The following CCBE1 variants were observed in gnomAD, a reference collection of about 807,000 sequenced individuals.
CCBE1 encodes the protein collagen and calcium binding EGF domains 1.
A neutral mutation model predicts 50.0 loss-of-function variants in CCBE1; 37 were observed. The ratio of observed to expected loss-of-function variants is 0.74; its 90% CI spans 0.57 to 0.97. CCBE1 has a LOEUF of 0.97. CCBE1 is among the 50% of genes least tolerant of loss of function. CCBE1 has a pLI of 0.00. For missense variants in CCBE1, 538 were observed against 523.8 expected, an observed-to-expected ratio of 1.03 and a Z score of -0.26; for synonymous variants, 234 against 203.7, an observed-to-expected ratio of 1.15 and a Z score of -1.27.
chr18:59,475,962 G>A lies in CCBE1; in HGVS notation c.265+4224C>T, dbSNP rs1000017720. On this transcript the variant is annotated intron_variant, in intron 3 of 10. Transcript: ENST00000439986. ...TTGAACTCCTGACCTCAGGTGATCC[G>A]CCCGCCTTGGCCTCCCAAGTGTTGG... Among the ~76,000 whole-genome samples the A allele has an allele frequency of 2.0e-5, 3 of 152,144 alleles. 1 individual carries two copies. In the South Asian group the frequency reaches 6.2e-4, roughly 32 times the overall value.
At chr18:59,678,480 A>G (rs1307146067) in intron 2 of CCBE1, among the ~76,000 whole-genome samples, 1 of 152,246 alleles carries the variant, frequency 6.6e-6, no homozygotes, top group Non-Finnish European at 1.5e-5. Context: ...AAGAACAGAC[A>G]GACTATGACT....
At chr18:59,688,949 T>G (rs1450909688) in intron 2 of CCBE1, among the ~76,000 whole-genome samples, 1 of 152,212 alleles carries the variant, frequency 6.6e-6, no homozygotes, top group Admixed American at 6.5e-5. Context: ...ATCCTGGTGT[T>G]TGTATTAAAG....
chr18:59,436,107 A>G lies in CCBE1; in HGVS notation c.1022T>C (p.Met341Thr), dbSNP rs1337344564. ...GATGTCATTGCGGATGTCAGCCAGC[A>G]TAAGTAGCAGGAAGTCGAAAGAACC... The part of the protein sequence containing the change: ...PPGSFDFLLL[M>T]LADIRNDITE... The change falls in exon 11 of 11, where the codon ATG becomes ACG. Residue 341 changes from methionine (M) to threonine (T), a missense_variant. By Grantham distance (81) the Met-to-Thr change is moderately conservative. Coordinates refer to ENST00000439986, the MANE Select transcript of CCBE1 (RefSeq NM_133459.4). 7 of 1,614,130 alleles carry G rather than the reference A, an allele frequency of 4.3e-6. No homozygotes were observed. Among genetic ancestry groups the G allele is most frequent in the African/African-American group, 2.7e-5 (2 of 74,938 alleles).
At chr18:59,615,874 C>T (rs1207962972) in intron 2 of CCBE1, among the ~76,000 whole-genome samples, 4 of 152,170 alleles carry the variant, frequency 2.6e-5, no homozygotes, top group African/African-American at 9.7e-5. Context: ...TGAAAGTAAG[C>T]AAGCACTCAT....
chr18:59,537,254 T>C (rs2144369941), intron 2 of CCBE1, among the ~76,000 whole-genome samples: 1 of 152,270 alleles, frequency 6.6e-6, no homozygotes. Flanking sequence ...ATATTTACAG[T>C]CTCTGTAGAA....
At chr18:59,587,854 C>A (rs2053200380) in intron 2 of CCBE1, among the ~76,000 whole-genome samples, 1 of 152,120 alleles carries the variant, frequency 6.6e-6, no homozygotes, top group Non-Finnish European at 1.5e-5. Context: ...TACTTGAAAT[C>A]AATTGTACTT....
intron 10 of CCBE1, among the ~76,000 whole-genome samples, chr18:59,436,805 C>T (rs921625108): frequency 6.6e-6 from 1 of 152,076 alleles, no homozygotes; most frequent in South Asian, 2.1e-4. Context: ...CCTGTCTCTA[C>T]AAAAATTTAA....
chr18:59,546,682 C>A (rs1915696657), intron 2 of CCBE1, among the ~76,000 whole-genome samples: 3 of 152,180 alleles, frequency 2.0e-5, no homozygotes, highest in African/African-American at 7.2e-5. Flanking sequence ...ATCCAAATCC[C>A]TTCCCACATT....
chr18:59,476,508 C>A (rs192975585), intron 3 of CCBE1, among the ~76,000 whole-genome samples: 3 of 151,868 alleles, frequency 2.0e-5, no homozygotes, highest in Admixed American at 1.3e-4. Flanking sequence ...ATCTCTTTTG[C>A]AACTACTCAA....
chr18:59,462,496 C>T (rs1911534465), intron 5 of CCBE1: 1 of 152,056 alleles, frequency 6.6e-6, no homozygotes. Context: ...AGTGATCCTC[C>T]CACCTCAGCC....
At chr18:59,550,220 T>C (rs760384876) in intron 2 of CCBE1, among the ~76,000 whole-genome samples, 13 of 152,174 alleles carry the variant, frequency 8.5e-5, no homozygotes, top group Non-Finnish European at 1.6e-4. Context: ...AATTCAGGGA[T>C]TGGCAAACTA....
chr18:59,681,024 C>T (rs904729094), intron 2 of CCBE1, among the ~76,000 whole-genome samples: 1 of 150,572 alleles, frequency 6.6e-6, no homozygotes, highest in Non-Finnish European at 1.5e-5. Flanking sequence ...GAAGCCTCAT[C>T]CTTTTAGGAA....
chr18:59,587,648 C>T (rs985781381), intron 2 of CCBE1, among the ~76,000 whole-genome samples: 2 of 152,132 alleles, frequency 1.3e-5, no homozygotes, highest in Non-Finnish European at 2.9e-5. Flanking sequence ...AGATCTAGGA[C>T]GCATTTGTCT....
At chr18:59,622,693 T>G (rs2053728889) in intron 2 of CCBE1, among the ~76,000 whole-genome samples, 2 of 145,720 alleles carry the variant, frequency 1.4e-5, no homozygotes, top group African/African-American at 5.1e-5. Context: ...CCCAGCTACT[T>G]AGGAAGCTGA....
chr18:59,589,875 C>T (rs972001508), intron 2 of CCBE1, among the ~76,000 whole-genome samples: 3 of 150,196 alleles, frequency 2.0e-5, no homozygotes, highest in Non-Finnish European at 4.4e-5. Flanking sequence ...TGTATATTTG[C>T]TCAACAGTAG....
At chr18:59,447,954 C>G (rs749311354) in intron 7 of CCBE1, 29 bp downstream of exon 7, 1 of 1,613,758 alleles carries the variant, frequency 6.2e-7, no homozygotes, top group South Asian at 1.1e-5. Context: ...TGTTGGTGAT[C>G]ACCCTCCTGT....
intron 2 of CCBE1, among the ~76,000 whole-genome samples, chr18:59,649,372 G>T (rs1207155573): frequency 2.6e-5 from 4 of 152,208 alleles, no homozygotes; most frequent in African/African-American, 9.7e-5. Context: ...TTGATGCGGT[G>T]CAAGACTGAC....
At chr18:59,458,461 A>G (rs1006843715) in intron 5 of CCBE1, among the ~76,000 whole-genome samples, 1 of 152,256 alleles carries the variant, frequency 6.6e-6, no homozygotes, top group Non-Finnish European at 1.5e-5. Flanking sequence ...AAATTTTCCA[A>G]GTGTTAATGT....
At chr18:59,537,670 G>T (rs746651779) in intron 2 of CCBE1, among the ~76,000 whole-genome samples, 14 of 152,110 alleles carry the variant, frequency 9.2e-5, no homozygotes, top group Non-Finnish European at 1.9e-4. Flanking sequence ...TAATACAGTG[G>T]CTGACAAGTT....
Sources: allele counts gnomAD v4.1 joint callset (sites outside exome capture counted in the v4.1 genomes callset), GRCh38; gene constraint gnomAD v4.1.1; transcripts MANE v1.5; gene names NCBI Gene and HGNC (gene_info 2026-07-23, HGNC 2026-07-21).